The following TNRC6C variants were observed in gnomAD, a reference collection of about 807,000 sequenced individuals.
The protein encoded by TNRC6C is trinucleotide repeat containing adaptor 6C, also known as trinucleotide repeat-containing gene 6C protein.
In TNRC6C, 20 loss-of-function variants were observed where a neutral mutation model predicts 153.7. That is an observed-to-expected ratio of 0.13 (90% CI 0.09 to 0.19). TNRC6C has a LOEUF of 0.19. TNRC6C is among the 10% of genes least tolerant of loss of function. The pLI, the probability that TNRC6C is intolerant of heterozygous loss-of-function variation, is 1.00. For missense variants in TNRC6C, 1,987 were observed against 2,172.0 expected (o/e 0.91, Z 1.69); for synonymous variants, 811 against 841.4 (o/e 0.96, Z 0.63).
chr17:77,980,007 TCAGA>T (rs1455334246), intron 1 of TNRC6C, among the ~76,000 whole-genome samples: 1 of 151,948 alleles, frequency 6.6e-6, no homozygotes, highest in Non-Finnish European at 1.5e-5. Context: ...ATAGACATCT[TCAGA>T]CAGACAAAAA....
At chr17:78,086,354 AAAAAAAC>A in intron 11 of TNRC6C, 142 bp from the exon 14 acceptor site, 24 of 506,938 alleles carry the variant, frequency 4.7e-5, no homozygotes, top group East Asian at 1.6e-4. Context: ...AAAAAAAAAA[AAAAAAAC>A]AGTATGTGTC....
chr17:77,999,801 A>G (rs1282087591), upstream of TNRC6C, among the ~76,000 whole-genome samples: 2 of 152,206 alleles, frequency 1.3e-5, no homozygotes, highest in Admixed American at 1.3e-4. Flanking sequence ...TCCTTGCAGC[A>G]GTAGGATTCA....
chr17:77,976,391 A>AT (rs1188471931), intron 1 of TNRC6C, among the ~76,000 whole-genome samples: 7 of 152,212 alleles, frequency 4.6e-5, no homozygotes, highest in African/African-American at 1.2e-4. Flanking sequence ...TAGAGATTGA[A>AT]TTCATATTCT....
chr17:78,102,241 G>A (rs2073609804), intron 17 of TNRC6C, among the ~76,000 whole-genome samples: 1 of 152,164 alleles, frequency 6.6e-6, no homozygotes, highest in Non-Finnish European at 1.5e-5. Flanking sequence ...CCGGGCTGGT[G>A]GGAAGATCCA....
intron 7 of TNRC6C, among the ~76,000 whole-genome samples, chr17:78,073,329 ATT>A (rs2144317179): frequency 6.6e-6 from 1 of 152,254 alleles, no homozygotes; most frequent in South Asian, 2.1e-4. Flanking sequence ...CTTTTCTCAT[ATT>A]TTCCCGTTAT....
intron 1 of TNRC6C, among the ~76,000 whole-genome samples, chr17:77,994,766 A>G (rs1201837135): frequency 6.6e-6 from 1 of 152,210 alleles, no homozygotes; most frequent in Non-Finnish European, 1.5e-5. Context: ...AAAACAAAAC[A>G]ACAGGCAAGT....
Position 78,104,928 on chromosome 17 carries a change from C to G in TNRC6C, c.*83C>G, listed in dbSNP as rs533369309. 1,224 of 1,369,466 alleles carry G rather than the reference C, an allele frequency of 8.9e-4. 17 individuals are homozygous for G. The South Asian group carries it at 0.019, about 22-fold the overall frequency. The allele number at this position is 1,369,466 out of a possible 1,614,324, so 84.8% of individuals were successfully genotyped here. On this transcript the variant is annotated 3_prime_UTR_variant, in exon 20 of 20. Transcript: ENST00000301624. This position sits in a 1 kb window ranked among gnomAD's most constrained non-coding sequence, Gnocchi z 6.2. Reference sequence around the variant, plus strand: ...GCGGCCCCACAGACCCGCTGGAACCCAGCAGCGGCCGCCCTTTTGAGTACC... The same window carrying G: ...GCGGCCCCACAGACCCGCTGGAACCGAGCAGCGGCCGCCCTTTTGAGTACC...
At chr17:77,978,246 AACAAT>A (rs1472586523) in intron 1 of TNRC6C, among the ~76,000 whole-genome samples, 1 of 152,156 alleles carries the variant, frequency 6.6e-6, no homozygotes, top group Admixed American at 6.5e-5. Context: ...AGCATATTAA[AACAAT>A]AGAATAGTAG....
chr17:78,091,240 C>T, intron 13 of TNRC6C, 200 bp from the exon 16 acceptor site: 2 of 435,096 alleles, frequency 4.6e-6, no homozygotes, highest in South Asian at 7.6e-5. Context: ...GCAGGAGAAT[C>T]GCTTGAACCT....
intron 1 of TNRC6C, among the ~76,000 whole-genome samples, chr17:78,007,665 T>C (rs144374359): frequency 6.6e-6 from 1 of 152,278 alleles, no homozygotes; most frequent in Non-Finnish European, 1.5e-5. Flanking sequence ...AGGCCCTGAG[T>C]TGTTTGAATA....
At chr17:78,020,726 G>A (rs949194207) in intron 1 of TNRC6C, among the ~76,000 whole-genome samples, 3 of 152,190 alleles carry the variant, frequency 2.0e-5, no homozygotes, top group African/African-American at 4.8e-5. Flanking sequence ...ATTTCAATGT[G>A]AAAGCAACAG....
At chr17:78,098,601 T>C in intron 17 of TNRC6C, 64 bp downstream of exon 20, 1 of 1,536,106 alleles carries the variant, frequency 6.5e-7, no homozygotes, top group Non-Finnish European at 8.8e-7. Flanking sequence ...GCTTATCACT[T>C]TGTCCTGTAC....
In TNRC6C at chr17:78,056,762, G is replaced by A. The variant is rs542586398; in HGVS notation, c.2395+5305G>A. Among the ~76,000 whole-genome samples the A allele has an allele frequency of 1.6e-4, 25 of 152,150 alleles. 1 individual carries two copies. In the South Asian group the frequency reaches 5.2e-3, roughly 32 times the overall value. On this transcript the variant is annotated intron_variant, in intron 3 of 19. Transcript: ENST00000301624. ...TTACAGGCGTGAGCCACCACGCCTGGCCCAGAAACTACTTTTAACTTGTTT... is the reference window on the plus strand; with the variant it reads ...TTACAGGCGTGAGCCACCACGCCTGACCCAGAAACTACTTTTAACTTGTTT...
intron 3 of TNRC6C, among the ~76,000 whole-genome samples, chr17:78,061,612 C>A (rs2072769649): frequency 6.6e-6 from 1 of 152,178 alleles, no homozygotes; most frequent in Non-Finnish European, 1.5e-5. Context: ...GAGTTCGAGG[C>A]TGCAGCGCAC....
intron 1 of TNRC6C, among the ~76,000 whole-genome samples, chr17:77,984,934 A>G (rs2071140446): frequency 6.6e-6 from 1 of 152,168 alleles, no homozygotes; most frequent in African/African-American, 2.4e-5. Flanking sequence ...TTACCCCTCT[A>G]AAAACATAAC....
intron 1 of TNRC6C, among the ~76,000 whole-genome samples, chr17:77,978,808 T>G (rs1043369351): frequency 6.6e-6 from 1 of 152,142 alleles, no homozygotes; most frequent in South Asian, 2.1e-4. Flanking sequence ...AGGTGTATGG[T>G]GAACCTAAAA....
At chr17:78,083,279 A>G in intron 11 of TNRC6C, 113 bp downstream of exon 13, 1 of 1,410,156 alleles carries the variant, frequency 7.1e-7, no homozygotes, top group Non-Finnish European at 9.7e-7. Flanking sequence ...GATGTCATTG[A>G]GACTCTCATG....
Position 78,091,572 on chromosome 17 carries a change from C to T in TNRC6C, c.3935C>T (p.Ala1312Val). The T allele has an allele frequency of 1.3e-6, 2 of 1,583,862 alleles. 1 individual carries two copies. The highest frequency in any genetic ancestry group is 2.3e-5 in the South Asian group (2 of 86,264). Residue 1312 changes from alanine (A) to valine (V), a missense_variant, in exon 14 of 20, where the codon GCC (alanine) becomes GTC (valine). Around this residue, in one of 4 missense-constraint regions of TNRC6C, gnomAD observed 765 missense variants for 908.6 expected, o/e 0.84. Transcript: ENST00000301624. ...AACTCCATGGATAACTTGCCCAGTGCCGCTTCCCCCCTGGAGCAGAACCCT... is the reference window on the plus strand; with the variant it reads ...AACTCCATGGATAACTTGCCCAGTGTCGCTTCCCCCCTGGAGCAGAACCCT...
Position 78,077,298 on chromosome 17 carries a change from CG to C in TNRC6C, c.3177del (p.Leu1060TrpfsTer6). 6.3e-7 allele frequency: 1 copy of C among 1,583,398 alleles called. No homozygotes were observed. Among genetic ancestry groups the C allele is most frequent in the Non-Finnish European group, 8.6e-7 (1 of 1,164,516 alleles). ...GTCAGGCCCTGGGTGGGATTGCCTC[CG>C]GGCTGGGCATGCAAAACTTGAATTC... is the stretch of plus-strand genomic sequence containing the variant. On this transcript the variant is annotated frameshift_variant, in exon 9 of 20. Coordinates refer to ENST00000301624, the Ensembl canonical transcript of TNRC6C. LOFTEE classifies it high-confidence loss of function.
Sources: gnomAD v4.1 joint callset for allele counts (sites outside exome capture counted in the v4.1 genomes callset) on GRCh38, gnomAD v4.1.1 for gene constraint, gnomAD v4.1.1 regional missense constraint, Gnocchi (gnomAD v3.1) non-coding constraint, MANE v1.5 for transcripts, NCBI Gene and HGNC (gene_info 2026-07-23, HGNC 2026-07-21) for gene names.